BLK: variants seen among roughly 807,000 people sequenced by gnomAD.
BLK encodes BLK proto-oncogene, Src family tyrosine kinase.
BLK carries 64 observed loss-of-function variants against 61.8 expected under a neutral mutation model. That is an observed-to-expected ratio of 1.03 (90% CI 0.85 to 1.27). The LOEUF (loss-of-function observed/expected upper bound fraction) is 1.27, where lower values mean the gene tolerates loss of function less well. BLK is among the 50% of genes most tolerant of loss of function. The pLI is 0.00. For missense variants in BLK, 853 were observed against 660.5 expected (o/e 1.29, Z -3.19); for synonymous variants, 351 against 272.0 (o/e 1.29, Z -2.86).
chr8:11,535,709 C>T (rs1031712781), intron 1 of BLK, among the ~76,000 whole-genome samples: 7 of 152,192 alleles, frequency 4.6e-5, no homozygotes, highest in Non-Finnish European at 1.0e-4. Flanking sequence ...CTTAGCATCA[C>T]TAAAATGGTG....
intron 1 of BLK, among the ~76,000 whole-genome samples, chr8:11,530,750 A>G (rs1448407222): frequency 2.6e-5 from 4 of 152,252 alleles, no homozygotes; most frequent in Non-Finnish European, 5.9e-5. Flanking sequence ...TGAAAAGTCG[A>G]AAAGATTTTT....
chr8:11,526,221 C>G (rs1186143658), intron 1 of BLK, among the ~76,000 whole-genome samples: 1 of 152,166 alleles, frequency 6.6e-6, no homozygotes, highest in Non-Finnish European at 1.5e-5. Context: ...CTGCACACTC[C>G]CCTCTCCATT....
intron 6 of BLK, among the ~76,000 whole-genome samples, chr8:11,551,000 G>C (rs912022645): frequency 6.6e-6 from 1 of 152,026 alleles, no homozygotes; most frequent in Non-Finnish European, 1.5e-5. Flanking sequence ...CCCCACTTGG[G>C]CTCCTTCCTG....
chr8:11,526,227 C>G (rs1799647186), intron 1 of BLK, among the ~76,000 whole-genome samples: 2 of 152,220 alleles, frequency 1.3e-5, no homozygotes, highest in Non-Finnish European at 2.9e-5. Context: ...ACTCCCCTCT[C>G]CATTTCCTAG....
In BLK at chr8:11,545,970, GC is replaced by G. The variant is rs534417637; in HGVS notation, c.124-79del. The G allele has an allele frequency of 5.9e-5, 85 of 1,450,410 alleles. 1 individual carries two copies. In the South Asian group the frequency reaches 7.9e-4, roughly 13 times the overall value. 89.8% of individuals were successfully genotyped at this position (1,450,410 alleles called of 1,614,324 possible). On this transcript the variant is annotated intron_variant, in intron 2 of 12. Coordinates refer to ENST00000259089, the MANE Select transcript of BLK (RefSeq NM_001715.3). Reference sequence around the variant, plus strand: ...GTAGGTCCCTGGAGATACCCTGGCTGCCCGGCTCAGCAGTCTCAACCCCCAG... The same window carrying G: ...GTAGGTCCCTGGAGATACCCTGGCTGCCGGCTCAGCAGTCTCAACCCCCAG...
chr8:11,560,748 C>G (rs1310918565), intron 10 of BLK: 1 of 420,546 alleles, frequency 2.4e-6, no homozygotes, highest in Non-Finnish European at 4.9e-6. Flanking sequence ...TTCTTGGTCA[C>G]AAATCAACCT....
intron 1 of BLK, among the ~76,000 whole-genome samples, chr8:11,500,797 G>A (rs1798528492): frequency 6.6e-6 from 1 of 152,188 alleles, no homozygotes; most frequent in Non-Finnish European, 1.5e-5. Flanking sequence ...ACAGGCATGA[G>A]TGACCATGCC....
intron 1 of BLK, among the ~76,000 whole-genome samples, chr8:11,503,259 A>T (rs933097626): frequency 2.6e-5 from 4 of 152,172 alleles, no homozygotes; most frequent in Admixed American, 2.0e-4. Flanking sequence ...GCTGGTTCTG[A>T]CCTTCTAGCC....
chr8:11,506,842 C>G (rs1798786849), intron 1 of BLK, among the ~76,000 whole-genome samples: 1 of 152,214 alleles, frequency 6.6e-6, no homozygotes, highest in African/African-American at 2.4e-5. Context: ...AGGTGGGACT[C>G]TCAGGGAGGC....
At chr8:11,512,067 CAA>C (rs1163416228) in intron 1 of BLK, among the ~76,000 whole-genome samples, 1 of 152,136 alleles carries the variant, frequency 6.6e-6, no homozygotes, top group Non-Finnish European at 1.5e-5. Flanking sequence ...CCTGAAAATA[CAA>C]AGATAAACAA....
At chr8:11,512,654 T>TTTTG (rs34375861) in intron 1 of BLK, among the ~76,000 whole-genome samples, 49,380 of 150,970 alleles carry the variant, frequency 0.33, 8,599 homozygotes, top group African/African-American at 0.4. Flanking sequence ...AGGCTTCTGG[T>TTTTG]TTTGTTTGTT....
At chr8:11,539,816 A>C (rs1800295924) in intron 1 of BLK, among the ~76,000 whole-genome samples, 1 of 152,178 alleles carries the variant, frequency 6.6e-6, no homozygotes, top group African/African-American at 2.4e-5. Context: ...ATTATAACAA[A>C]CATTTTACTA....
chr8:11,527,520 G>T (rs1472165856), intron 1 of BLK, among the ~76,000 whole-genome samples: 1 of 150,408 alleles, frequency 6.6e-6, no homozygotes, highest in Non-Finnish European at 1.5e-5. Flanking sequence ...CATAAGCCTA[G>T]CCCACACAGG....
At chr8:11,530,803 T>C (rs1039946437) in intron 1 of BLK, among the ~76,000 whole-genome samples, 4 of 152,220 alleles carry the variant, frequency 2.6e-5, no homozygotes, top group Admixed American at 6.5e-5. Flanking sequence ...GGGAGCTAAT[T>C]AATATGAGTA....
rs536630306 is a variant in BLK at position 11,543,251 on chromosome 8, G to A, written c.27G>A (p.Pro9=). ...TGGGGCTGGTAAGTAGCAAAAAGCC[G>A]GACAAGGAAAAGCCGATCAAAGAGA... MGLVSSKK[P]DKEKPIKEKD... is the part of the protein sequence containing the mutation. The change falls in exon 2 of 13, where the codon CCG becomes CCA. Residue 9 remains proline, a synonymous_variant. Coordinates refer to ENST00000259089, the MANE Select transcript of BLK (RefSeq NM_001715.3). 1.9e-5 allele frequency: 30 copies of A among 1,613,942 alleles called. No homozygotes were observed. Among genetic ancestry groups the A allele is most frequent in the African/African-American group, 1.2e-4 (9 of 75,002 alleles).
intron 1 of BLK, among the ~76,000 whole-genome samples, chr8:11,495,028 T>C (rs976383773): frequency 3.9e-5 from 6 of 152,236 alleles, no homozygotes; most frequent in African/African-American, 9.6e-5. Context: ...CAAATGACTG[T>C]TGCTTTCGTT....
intron 1 of BLK, among the ~76,000 whole-genome samples, chr8:11,511,797 CTTGACCCCAAAGTA>C (rs947070519): frequency 6.6e-6 from 1 of 152,168 alleles, no homozygotes; most frequent in Non-Finnish European, 1.5e-5. Context: ...AATGTGCCCT[CTTGACCCCAAAGTA>C]TTGGCTAATG....
intron 1 of BLK, among the ~76,000 whole-genome samples, chr8:11,519,755 A>G (rs966819320): frequency 2.0e-5 from 3 of 152,216 alleles, no homozygotes; most frequent in Admixed American, 2.0e-4. Context: ...TAGTTTGTAA[A>G]CTGTAATGTG....
At chr8:11,537,511 G>T (rs555999789) in intron 1 of BLK, among the ~76,000 whole-genome samples, 164 of 152,206 alleles carry the variant, frequency 1.1e-3, no homozygotes, top group Non-Finnish European at 1.3e-3. Flanking sequence ...CAGGGGAGAT[G>T]ATAGGGAATC....
Sources: gnomAD v4.1 joint callset for allele counts (sites outside exome capture counted in the v4.1 genomes callset) on GRCh38, gnomAD v4.1.1 for gene constraint, MANE v1.5 for transcripts, NCBI Gene and HGNC (gene_info 2026-07-23, HGNC 2026-07-21) for gene names.